The following ACBD4 variants were observed in gnomAD, a reference collection of about 807,000 sequenced individuals.
ACBD4 encodes the protein acyl-CoA binding domain containing 4.
ACBD4 carries 41 observed loss-of-function variants against 46.0 expected under a neutral mutation model. The observed-to-expected ratio is 0.89, with a 90% CI of 0.69 to 1.16. ACBD4 has a LOEUF of 1.16. ACBD4 is among the 50% of genes most tolerant of loss of function. The pLI, the probability that ACBD4 is intolerant of heterozygous loss-of-function variation, is 0.00. For synonymous variants in ACBD4, 162 were observed against 155.9 expected, an observed-to-expected ratio of 1.04 and a Z score of -0.29; for missense variants, 393 against 399.5, an observed-to-expected ratio of 0.98 and a Z score of 0.14.
intron 8 of ACBD4, 114 bp from the exon 9 acceptor site, chr17:45,138,907 A>T: frequency 8.8e-7 from 1 of 1,132,316 alleles, no homozygotes; most frequent in Non-Finnish European, 1.3e-6. Flanking sequence ...CACACTTGGT[A>T]CAGCGACTGG....
At chr17:45,140,216 C>T (rs1335244385) in intron 9 of ACBD4, among the ~76,000 whole-genome samples, 1 of 150,126 alleles carries the variant, frequency 6.7e-6, no homozygotes, top group Non-Finnish European at 1.5e-5. Context: ...TAGAGTCTTG[C>T]TCTGTCGCCC....
At chr17:45,134,191 C>T (rs1023177665), upstream of ACBD4, among the ~76,000 whole-genome samples, 1 of 152,194 alleles carries the variant, frequency 6.6e-6, no homozygotes, top group Non-Finnish European at 1.5e-5. Context: ...TACTTGGTTG[C>T]CCAGGGTGGA....
chr17:45,140,169 GTT>G (rs201542915), intron 9 of ACBD4, among the ~76,000 whole-genome samples: 40 of 143,024 alleles, frequency 2.8e-4, no homozygotes, highest in Admixed American at 1.3e-3. Flanking sequence ...CTTTTCTTCT[GTT>G]TTTTTTTTTT....
chr17:45,137,208 TG>T, intron 5 of ACBD4, 69 bp downstream of exon 5: 1 of 1,608,440 alleles, frequency 6.2e-7, no homozygotes, highest in East Asian at 2.2e-5. Context: ...TGAGGTGGGC[TG>T]GGGGCAGAGG....
rs765333936 is a variant in ACBD4 at position 45,139,117 on chromosome 17, C to T, written c.746C>T (p.Ala249Val). 6.8e-6 allele frequency: 11 copies of T among 1,613,660 alleles called. No individual in the cohort carries two copies. The highest frequency in any genetic ancestry group is 5.3e-5 in the African/African-American group (4 of 74,902). Reference protein sequence around the residue: ...ALQESMQEVQARVQSLESMPR... With the variant: ...ALQESMQEVQVRVQSLESMPR... ...CAGGAGAGCATGCAGGAGGTGCAGGCGAGGGTGCAGAGCCTGGAGAGCATG... is the reference window on the plus strand; with the variant it reads ...CAGGAGAGCATGCAGGAGGTGCAGGTGAGGGTGCAGAGCCTGGAGAGCATG... The change falls in exon 9 of 10, where the codon GCG becomes GTG. Residue 249 changes from alanine (A) to valine (V), a missense_variant. By Grantham distance (64) the Ala-to-Val change is moderately conservative (BLOSUM62 0). Coordinates refer to ENST00000321854, the MANE Select transcript of ACBD4 (RefSeq NM_001135705.3).
At position 45,136,578 on chromosome 17, in the gene ACBD4, T is replaced by TC; in HGVS notation, c.172dup (p.Arg58ProfsTer12). ...CAGGCCACCATGGGGCCCTGCCTGG[T>TC]CCCCCGGCCCGGGTTCTGGGACCCC... On this transcript the variant is annotated frameshift_variant, in exon 3 of 10. Transcript: ENST00000321854. LOFTEE classifies it high-confidence loss of function. The TC allele has an allele frequency of 1.9e-6, 3 of 1,613,920 alleles. No individual in the cohort carries two copies. The highest frequency in any genetic ancestry group is 2.5e-6 in the Non-Finnish European group (3 of 1,179,962).
At position 45,137,907 on chromosome 17, in the gene ACBD4, C is replaced by T; in HGVS notation, c.574-6C>T. ...CCACCCTCAGCTCTCTGACTCATCT[C>T]AGCAGGTTTGGACAGAGCAGCGGGC... On this transcript the variant is annotated splice_polypyrimidine_tract_variant and splice_region_variant and intron_variant, in intron 7 of 9. Coordinates refer to ENST00000321854, the MANE Select transcript of ACBD4 (RefSeq NM_001135705.3). The T allele has an allele frequency of 6.2e-7, 1 of 1,613,662 alleles. No individual in the cohort carries two copies. Among genetic ancestry groups the T allele is most frequent in the South Asian group, 1.1e-5 (1 of 91,060 alleles).
At chr17:45,137,206 G>A in intron 5 of ACBD4, 67 bp downstream of exon 5, 2 of 1,608,424 alleles carry the variant, frequency 1.2e-6, no homozygotes, top group Non-Finnish European at 1.7e-6. Context: ...GCTGAGGTGG[G>A]CTGGGGGCAG....
upstream of ACBD4, among the ~76,000 whole-genome samples, chr17:45,135,106 C>T (rs28588212): frequency 0.03 from 4,506 of 152,108 alleles, 291 homozygotes; most frequent in East Asian, 0.24. Flanking sequence ...GCTGGGATTA[C>T]AGGCGCGCGC....
At chr17:45,133,282 G>C (rs1380451517), upstream of ACBD4, 1 of 152,240 alleles carries the variant, frequency 6.6e-6, no homozygotes, top group Admixed American at 6.5e-5. Flanking sequence ...GTGCGTGCGC[G>C]AAGTGGGGGA....
In ACBD4 at chr17:45,139,031, G is replaced by A. The variant is rs2055084585; in HGVS notation, c.660G>A (p.Arg220=). The A allele has an allele frequency of 1.2e-6, 2 of 1,613,036 alleles. No homozygotes were observed. The highest frequency in any genetic ancestry group is 8.5e-7 in the Non-Finnish European group (1 of 1,179,996). The change falls in exon 9 of 10, where the codon CGG becomes CGA. Residue 220 remains arginine (R), a synonymous_variant. Transcript: ENST00000321854. ...PVPPTKKEGL[R]GSPPGPQELD... ...GTCTGTGCTCCGCAGAGGGGTTGCG[G>A]GGCAGCCCGCCGGGGCCCCAGGAGT...
intron 9 of ACBD4, among the ~76,000 whole-genome samples, chr17:45,139,786 C>T (rs2055147244): frequency 1.3e-5 from 2 of 152,240 alleles, no homozygotes; most frequent in African/African-American, 4.8e-5. Flanking sequence ...CTGGGAGAGC[C>T]TCTCTGAGCT....
At chr17:45,136,385 T>C in intron 2 of ACBD4, 115 bp from the exon 3 acceptor site, 3 of 1,454,422 alleles carry the variant, frequency 2.1e-6, no homozygotes, top group Non-Finnish European at 2.8e-6. Context: ...CTAGTCCAGA[T>C]GCCCTGGGTG....
intron 8 of ACBD4, among the ~76,000 whole-genome samples, chr17:45,138,748 G>A (rs1490822044): frequency 4.6e-5 from 7 of 150,934 alleles, no homozygotes; most frequent in Non-Finnish European, 2.9e-5. Context: ...AGGTCATTGT[G>A]CCACTGCACT....
intron 4 of ACBD4, 92 bp from the exon 5 acceptor site, chr17:45,136,927 A>G: frequency 6.3e-7 from 1 of 1,599,924 alleles, no homozygotes; most frequent in Non-Finnish European, 8.5e-7. Context: ...TTGGCCCCTG[A>G]CTGGGCACAG....
rs545826995 is a variant in ACBD4 at position 45,137,772 on chromosome 17, C to T, written c.515C>T (p.Pro172Leu). 5 of 1,613,930 alleles carry T rather than the reference C, an allele frequency of 3.1e-6. No individual in the cohort carries two copies. The highest frequency in any genetic ancestry group is 1.3e-5 in the African/African-American group (1 of 74,922). The change falls in exon 7 of 10, where the codon CCC (proline) becomes CTC (leucine). Residue 172 changes from proline to leucine, a missense_variant. Pro to Leu is a moderately conservative substitution (Grantham distance 98). This residue lies in a region of ACBD4 where 308 missense variants were observed against 301.8 expected (regional missense o/e 1.02). Transcript: ENST00000321854. ...PAPPSPESHS[P>L]RDLDSEVFCD... The stretch of plus-strand genomic sequence containing the variant: ...AACCCCTCCACAGAGTCCCATTCAC[C>T]CAGGGACCTGGACTCCGAGGTTTTC...
Position 45,136,487 on chromosome 17 carries a change from ACT to A in ACBD4, c.89-8_89-7del, listed in dbSNP as rs1167915923. On this transcript the variant is annotated splice_polypyrimidine_tract_variant and intron_variant, in intron 2 of 9. Transcript: ENST00000321854. ...AGTGATGCTTTGCCCTGGCTTCCCA[ACT>A]CTCTGCCCAGGTTCTTACCGCCCCT... 3.1e-6 allele frequency: 5 copies of A among 1,608,234 alleles called. No homozygotes were observed. Among genetic ancestry groups the A allele is most frequent in the Admixed American group, 1.7e-5 (1 of 59,324 alleles).
chr17:45,136,328 A>G, intron 2 of ACBD4, 96 bp downstream of exon 2: 3 of 1,549,434 alleles, frequency 1.9e-6, no homozygotes, highest in Non-Finnish European at 2.7e-6. Context: ...GTTTTTGCAG[A>G]CAAGCCCCTG....
Position 45,139,263 on chromosome 17 carries a change from C to T in ACBD4, c.789+103C>T, listed in dbSNP as rs562499776. The T allele has an allele frequency of 2.6e-6, 3 of 1,174,910 alleles. No homozygotes were observed. The Admixed American group carries it at 5.7e-5, about 22-fold the overall frequency. The allele number at this position is 1,174,910 out of a possible 1,614,324, so 72.8% of individuals were successfully genotyped here. A position where few individuals can be genotyped will look rare whatever the true frequency, so the allele number is the denominator to read the frequency against. ...GTTTTTGTCCTCACGCCTCCACCTG[C>T]CCACATCTCTCTCCAGAGAATGGCA... On this transcript the variant is annotated intron_variant, in intron 9 of 9. Coordinates refer to ENST00000321854, the MANE Select transcript of ACBD4 (RefSeq NM_001135705.3).
Sources: gnomAD v4.1 joint callset for allele counts (sites outside exome capture counted in the v4.1 genomes callset) on GRCh38, gnomAD v4.1.1 for gene constraint, gnomAD v4.1.1 regional missense constraint, MANE v1.5 for transcripts, NCBI Gene and HGNC (gene_info 2026-07-23, HGNC 2026-07-21) for gene names.